Variants in CIZ1 observed in about 807,000 individuals in gnomAD.
CIZ1 encodes the protein cip1-interacting zinc finger protein.
In CIZ1, 58 loss-of-function variants were observed where a neutral mutation model predicts 118.6. The ratio of observed to expected loss-of-function variants is 0.49; its 90% CI spans 0.40 to 0.61. CIZ1 has a LOEUF of 0.61. Among genes scored for constraint, CIZ1 ranks in the 20% least tolerant of loss-of-function variants. CIZ1 has a pLI of 0.00. For missense variants in CIZ1, 921 were observed against 1,115.9 expected, an observed-to-expected ratio of 0.83 and a Z score of 2.49; for synonymous variants, 448 against 443.4, an observed-to-expected ratio of 1.01 and a Z score of -0.13.
In CIZ1 at chr9:128,169,081, T is replaced by TCTCTTCTTCATCCTCATCATCCTCTTC; in HGVS notation, c.2239_2265dup (p.Glu747_Glu755dup). The TCTCTTCTTCATCCTCATCATCCTCTTC allele has an allele frequency of 1.2e-6, 2 of 1,614,012 alleles. No individual in the cohort carries two copies. Among genetic ancestry groups the TCTCTTCTTCATCCTCATCATCCTCTTC allele is most frequent in the Non-Finnish European group, 8.5e-7 (1 of 1,179,962 alleles). ...TTGCAGAGTTCCTCCTCAACCTCGATCTCTTCTTCATCCTCATCATCCTCT... is the reference window on the plus strand; with the variant it reads ...TTGCAGAGTTCCTCCTCAACCTCGATCTCTTCTTCATCCTCATCATCCTCTTCCTCTTCTTCATCCTCATCATCCTCT... On this transcript the variant is annotated inframe_insertion, in exon 14 of 17. Coordinates refer to ENST00000372938, the MANE Select transcript of CIZ1 (RefSeq NM_001131016.2).
chr9:128,183,023 G>A (rs1032430010), intron 5 of CIZ1, among the ~76,000 whole-genome samples: 1 of 152,176 alleles, frequency 6.6e-6, no homozygotes, highest in African/African-American at 2.4e-5. Context: ...CAGGCCAGAT[G>A]TATCATCTGC....
upstream of CIZ1, chr9:128,192,005 C>A: frequency 9.0e-7 from 1 of 1,113,960 alleles, no homozygotes; most frequent in Non-Finnish European, 1.2e-6. Context: ...GGAGTTTGCC[C>A]ACGGAGGGGT....
At chr9:128,200,673 A>G (rs1833490825) in intron 1 of CIZ1, among the ~76,000 whole-genome samples, 1 of 150,520 alleles carries the variant, frequency 6.6e-6, no homozygotes, top group Non-Finnish European at 1.5e-5. Context: ...AAAAAAAAGA[A>G]AGAAATACAA....
chr9:128,169,019 C>T, intron 14 of CIZ1, 33 bp downstream of exon 14: 1 of 1,613,068 alleles, frequency 6.2e-7, no homozygotes, highest in Non-Finnish European at 8.5e-7. Context: ...GAATCCAGCA[C>T]CAAGCCCGCC....
rs753575190 is a variant in CIZ1, at chr9:128,169,193, C to G, written c.2154G>C (p.Ser718=). 1 of 1,614,192 alleles carries G rather than the reference C, an allele frequency of 6.2e-7. No homozygotes were observed. Among genetic ancestry groups the G allele is most frequent in the South Asian group, 1.1e-5 (1 of 91,088 alleles). Residue 718 remains serine, a synonymous_variant, in exon 14 of 17, where the codon TCG becomes TCC. Coordinates refer to ENST00000372938, the MANE Select transcript of CIZ1 (RefSeq NM_001131016.2). ...GHKDKAKELK[S]LEKEIAGQDE... Reference sequence around the variant, plus strand: ...CTTGGCCAGCAATTTCTTTCTCAAGCGACTTCAGCTGCCCAGGGAGTAGGC... The same window carrying G: ...CTTGGCCAGCAATTTCTTTCTCAAGGGACTTCAGCTGCCCAGGGAGTAGGC...
At chr9:128,199,931 G>A (rs978290133) in intron 1 of CIZ1, 3 of 151,786 alleles carry the variant, frequency 2.0e-5, no homozygotes, top group Non-Finnish European at 4.4e-5. Flanking sequence ...TGGGATTACA[G>A]GTGCGGGCTA....
chr9:128,173,885 A>G (rs915014983), intron 11 of CIZ1, among the ~76,000 whole-genome samples: 2 of 152,102 alleles, frequency 1.3e-5, no homozygotes, highest in South Asian at 4.1e-4. Context: ...AGGCGCCTGT[A>G]GTCCCAGCTA....
rs1398125578 is a variant in CIZ1, at chr9:128,203,840, C to T, written c.-6+346G>A. Among the ~76,000 whole-genome samples the T allele has an allele frequency of 6.6e-6, 1 of 150,956 alleles. No homozygotes were observed. Among genetic ancestry groups the T allele is most frequent in the Non-Finnish European group, 1.5e-5 (1 of 67,610 alleles). ...GCGCCCCCCGCTAGTCTGCAAACGT[C>T]GTCAAGCCTCCGGCTACCGAATCAC... is the stretch of plus-strand genomic sequence containing the variant. On this transcript the variant is annotated intron_variant, in intron 1 of 17. Transcript: ENST00000372948. The surrounding 1 kb of genome is among the most constrained non-coding windows in gnomAD (Gnocchi z 5.3).
intron 10 of CIZ1, 38 bp downstream of exon 10, chr9:128,177,528 G>GCCCCCCCCCCCCCCCCCCA: frequency 2.6e-6 from 3 of 1,164,636 alleles, no homozygotes; most frequent in East Asian, 2.9e-5. Context: ...TTCCACGCAG[G>GCCCCCCCCCCCCCCCCCCA]CCCCACCCCT....
intron 9 of CIZ1, 118 bp downstream of exon 9, chr9:128,178,251 C>A: frequency 1.6e-6 from 2 of 1,260,254 alleles, no homozygotes; most frequent in Non-Finnish European, 2.2e-6. Context: ...GGGCTGTCAT[C>A]CCATTTCACG....
intron 11 of CIZ1, among the ~76,000 whole-genome samples, chr9:128,171,830 T>C (rs777739623): frequency 6.6e-6 from 1 of 151,822 alleles, no homozygotes; most frequent in African/African-American, 2.4e-5. Context: ...TTGCAACATA[T>C]AACATCAAAG....
chr9:128,190,214 G>C (rs553347186), intron 3 of CIZ1, 115 bp downstream of exon 3: 27 of 720,366 alleles, frequency 3.7e-5, no homozygotes, highest in African/African-American at 3.2e-4. Flanking sequence ...AGTGAACTAG[G>C]ATGCCAAGAA....
chr9:128,178,903 A>G lies in CIZ1; in HGVS notation c.1304T>C (p.Val435Ala). Reference sequence around the variant, plus strand: ...GACGCTTGGCTGTGCCTGTGTGTGGACCTGTGGATATGTCTGTGTCTGGAC... The same window carrying G: ...GACGCTTGGCTGTGCCTGTGTGTGGGCCTGTGGATATGTCTGTGTCTGGAC... ...KQVQTQTYPQ[V>A]HTQAQPSVQP... The change falls in exon 8 of 17, where the codon GTC (valine) becomes GCC (alanine). Residue 435 changes from valine (V) to alanine (A), a missense_variant. Transcript: ENST00000372938. 12 of 1,613,988 alleles carry G rather than the reference A, an allele frequency of 7.4e-6. No homozygotes were observed. Among genetic ancestry groups the G allele is most frequent in the Non-Finnish European group, 9.3e-6 (11 of 1,179,972 alleles).
At chr9:128,189,073 T>C (rs945308360) in intron 3 of CIZ1, among the ~76,000 whole-genome samples, 3 of 152,136 alleles carry the variant, frequency 2.0e-5, no homozygotes, top group Admixed American at 2.0e-4. Context: ...TGTGCTGAGA[T>C]TACAGGTGTG....
Position 128,169,494 on chromosome 9 carries a change from A to T in CIZ1, c.2057T>A (p.Phe686Tyr), listed in dbSNP as rs1829863025. Residue 686 changes from phenylalanine to tyrosine, a missense_variant, in exon 13 of 17, where the codon TTC becomes TAC. Phe to Tyr is a conservative substitution (Grantham distance 22). Transcript: ENST00000372938. ...HKIAKQSLRPFCTVCNRYFKT... is the reference protein window; with the variant it reads ...HKIAKQSLRPYCTVCNRYFKT... The stretch of plus-strand genomic sequence containing the variant: ...GAAGTAGCGGTTGCAAACGGTGCAG[A>T]AGGGTCGCAAGGATTGTTTGGCAAT... 4 of 1,614,202 alleles carry T rather than the reference A, an allele frequency of 2.5e-6. No individual in the cohort carries two copies. In the East Asian group the frequency reaches 8.9e-5, roughly 36 times the overall value.
At chr9:128,177,205 T>A (rs1047145352) in intron 10 of CIZ1, among the ~76,000 whole-genome samples, 6 of 152,130 alleles carry the variant, frequency 3.9e-5, no homozygotes, top group Non-Finnish European at 7.3e-5. Context: ...TTCCTTTGTC[T>A]GATGCAAGAG....
In CIZ1 at chr9:128,178,807, G is replaced by A; in HGVS notation, c.1400C>T (p.Thr467Ile). 6.2e-7 allele frequency: 1 copy of A among 1,614,262 alleles called. No individual in the cohort carries two copies. Among genetic ancestry groups the A allele is most frequent in the Non-Finnish European group, 8.5e-7 (1 of 1,180,042 alleles). ...AGCCAGCAACGACACCTGCGGCTGGGTGTGAGGCTGCTCATGGGTCTGCTC... is the reference window on the plus strand; with the variant it reads ...AGCCAGCAACGACACCTGCGGCTGGATGTGAGGCTGCTCATGGGTCTGCTC... ...PPEQTHEQPH[T>I]QPQVSLLAPE... Residue 467 changes from threonine (T) to isoleucine (I), a missense_variant, in exon 8 of 17, where the codon ACC becomes ATC. Transcript: ENST00000372938.
chr9:128,177,368 G>A (rs532454928), intron 10 of CIZ1, among the ~76,000 whole-genome samples, 198 bp downstream of exon 10: 8 of 152,282 alleles, frequency 5.3e-5, no homozygotes, highest in African/African-American at 1.9e-4. Context: ...CAACCTGGGA[G>A]GCAGAGTAAG....
chr9:128,180,633 C>T (rs111472436), intron 6 of CIZ1, 88 bp downstream of exon 6: 1 of 1,354,722 alleles, frequency 7.4e-7, no homozygotes, highest in African/African-American at 1.5e-5. Flanking sequence ...CCCCTGCCTC[C>T]CACACCTGCC....
Sources: gnomAD v4.1 joint callset for allele counts (sites outside exome capture counted in the v4.1 genomes callset) on GRCh38, gnomAD v4.1.1 for gene constraint, Gnocchi (gnomAD v3.1) non-coding constraint, MANE v1.5 for transcripts, NCBI Gene and HGNC (gene_info 2026-07-23, HGNC 2026-07-21) for gene names.